Variants in SERPINA6 observed in about 807,000 individuals in gnomAD.
SERPINA6 encodes the protein corticosteroid-binding globulin.
In SERPINA6, 19 loss-of-function variants were observed where a neutral mutation model predicts 26.4. The ratio of observed to expected loss-of-function variants is 0.72; its 90% CI spans 0.50 to 1.06. SERPINA6 has a LOEUF of 1.06. SERPINA6 is among the 50% of genes least tolerant of loss of function. SERPINA6 has a pLI of 0.00. For missense variants in SERPINA6, 473 were observed against 504.0 expected, an observed-to-expected ratio of 0.94 and a Z score of 0.59; for synonymous variants, 196 against 199.4, an observed-to-expected ratio of 0.98 and a Z score of 0.14.
intron 4 of SERPINA6, 133 bp downstream of exon 4, chr14:94,305,938 T>C (rs1895431614): frequency 3.2e-6 from 3 of 952,064 alleles, no homozygotes; most frequent in Admixed American, 4.0e-5. Context: ...ACAAGGGGCT[T>C]TGACTCAACC....
intron 3 of SERPINA6, 100 bp from the exon 4 acceptor site, chr14:94,306,318 C>T (rs536573348): frequency 1.3e-5 from 17 of 1,287,630 alleles, no homozygotes; most frequent in Middle Eastern, 2.5e-4. Context: ...TTTCCTCATG[C>T]GCTCCCTCCA....
intron 1 of SERPINA6, among the ~76,000 whole-genome samples, chr14:94,322,520 A>G (rs1268716082): frequency 1.3e-5 from 2 of 152,014 alleles, no homozygotes; most frequent in Admixed American, 6.5e-5. Flanking sequence ...TAAAAAACAA[A>G]CAAACAAACA....
rs375969868 is a variant in SERPINA6, at chr14:94,304,406, G to A, written c.*12C>T. 7 of 1,613,516 alleles carry A rather than the reference G, an allele frequency of 4.3e-6. No homozygotes were observed. The African/African-American group carries it at 9.3e-5, about 22-fold the overall frequency. ...AAGTCAGACAGTGCTGAGGCTCTGG[G>A]TGGGTGGTCTCTTACACTGGGTTCA... On this transcript the variant is annotated 3_prime_UTR_variant, in exon 5 of 5. Transcript: ENST00000341584.
Position 94,314,640 on chromosome 14 carries a change from G to C in SERPINA6, c.9C>G (p.Leu3=). Residue 3 remains leucine (L), a synonymous_variant, in exon 2 of 5, where the codon CTC becomes CTG. Coordinates refer to ENST00000341584, the MANE Select transcript of SERPINA6 (RefSeq NM_001756.4). MP[L]LLYTCLLWLP... ...GCCAGAGAAGACAGGTGTACAGGAG[G>C]AGTGGCATTGTCCAGTATAGCCAGG... is the stretch of plus-strand genomic sequence containing the variant. The C allele has an allele frequency of 6.2e-7, 1 of 1,613,390 alleles. No individual in the cohort carries two copies. The highest frequency in any genetic ancestry group is 8.5e-7 in the Non-Finnish European group (1 of 1,180,018).
chr14:94,313,882 C>A, intron 2 of SERPINA6, 154 bp downstream of exon 2: 1 of 867,050 alleles, frequency 1.2e-6, no homozygotes, highest in Non-Finnish European at 2.0e-6. Flanking sequence ...TATAATTCCA[C>A]CTACCCAGCA....
chr14:94,305,988 C>A, intron 4 of SERPINA6, 83 bp downstream of exon 4: 1 of 1,534,638 alleles, frequency 6.5e-7, no homozygotes, highest in Non-Finnish European at 9.0e-7. Flanking sequence ...CATTCATGAA[C>A]GAACTCAGTG....
chr14:94,321,330 T>C (rs1158435538), intron 1 of SERPINA6, among the ~76,000 whole-genome samples: 1 of 152,146 alleles, frequency 6.6e-6, no homozygotes, highest in African/African-American at 2.4e-5. Flanking sequence ...GACTCCCCAT[T>C]GCCCACCACA....
intron 2 of SERPINA6, among the ~76,000 whole-genome samples, chr14:94,310,750 T>C (rs1488449731): frequency 1.3e-5 from 2 of 152,224 alleles, no homozygotes; most frequent in African/African-American, 4.8e-5. Flanking sequence ...TCTTCTGAAC[T>C]TATTCCAGAC....
chr14:94,314,555 T>G lies in SERPINA6; in HGVS notation c.94A>C (p.Met32Leu), dbSNP rs755394835. ...GCCAGGCCCCGGTGATGGTTACTCA[T>G]GTTCACATAAGCAGCGTTAGGATCC... is the stretch of plus-strand genomic sequence containing the variant. The part of the protein sequence containing the change: ...AMDPNAAYVN[M>L]SNHHRGLASA... Residue 32 changes from methionine to leucine, a missense_variant, in exon 2 of 5, where the codon ATG becomes CTG. Transcript: ENST00000341584. 2 of 1,614,090 alleles carry G rather than the reference T, an allele frequency of 1.2e-6. No homozygotes were observed. Among genetic ancestry groups the G allele is most frequent in the African/African-American group, 2.7e-5 (2 of 74,928 alleles).
chr14:94,315,330 T>A (rs145413546), intron 1 of SERPINA6, among the ~76,000 whole-genome samples: 115 of 152,344 alleles, frequency 7.5e-4, no homozygotes, highest in African/African-American at 2.6e-3. Flanking sequence ...TGTATGCTAT[T>A]GAAGTAAAGC....
chr14:94,323,279 G>C lies in SERPINA6; in HGVS notation c.-32C>G, dbSNP rs984459205. 2 of 152,340 alleles carry C rather than the reference G, an allele frequency of 1.3e-5. No homozygotes were observed. The highest frequency in any genetic ancestry group is 2.9e-5 in the Non-Finnish European group (2 of 68,148). The allele number at this position is 152,340 out of a possible 1,614,324, so 9.4% of individuals were successfully genotyped here. A position where few individuals can be genotyped will look rare whatever the true frequency, so the allele number is the denominator to read the frequency against. ...AGGTGTTACTCACAGTCTGCGGTGGGCTCAGGCTGTTTCTGCTGGCTTGGT... is the reference window on the plus strand; with the variant it reads ...AGGTGTTACTCACAGTCTGCGGTGGCCTCAGGCTGTTTCTGCTGGCTTGGT... On this transcript the variant is annotated 5_prime_UTR_variant, in exon 1 of 5. Coordinates refer to ENST00000341584, the MANE Select transcript of SERPINA6 (RefSeq NM_001756.4).
At chr14:94,314,807 C>G (rs1449134747) in intron 1 of SERPINA6, 140 bp from the exon 2 acceptor site, 4 of 763,334 alleles carry the variant, frequency 5.2e-6, no homozygotes, top group Non-Finnish European at 8.9e-6. Flanking sequence ...GAGCACATCA[C>G]AGAGGGCGCT....
chr14:94,313,971 G>C (rs755730643), intron 2 of SERPINA6, 65 bp downstream of exon 2: 12 of 1,580,700 alleles, frequency 7.6e-6, no homozygotes, highest in Non-Finnish European at 9.6e-6. Flanking sequence ...GTGTGCCCTG[G>C]ATTTTAGCGG....
chr14:94,307,686 A>T (rs59173829), intron 3 of SERPINA6, among the ~76,000 whole-genome samples: 37,728 of 152,146 alleles, frequency 0.25, 4,876 homozygotes, highest in Non-Finnish European at 0.28. Context: ...CATCGCCCAG[A>T]CACAGGTTCA....
intron 3 of SERPINA6, 36 bp downstream of exon 3, chr14:94,309,700 C>G: frequency 1.2e-6 from 2 of 1,611,558 alleles, no homozygotes; most frequent in Non-Finnish European, 1.7e-6. Flanking sequence ...GGGACACGTG[C>G]ATTGCAGAAA....
intron 4 of SERPINA6, among the ~76,000 whole-genome samples, chr14:94,305,052 T>C (rs1051423914): frequency 1.3e-5 from 2 of 152,196 alleles, no homozygotes; most frequent in African/African-American, 4.8e-5. Context: ...TGTTGATATG[T>C]CCTTGTTGTG....
At chr14:94,310,907 C>T (rs1373097916) in intron 2 of SERPINA6, among the ~76,000 whole-genome samples, 1 of 152,206 alleles carries the variant, frequency 6.6e-6, no homozygotes, top group Non-Finnish European at 1.5e-5. Context: ...GACCACAAGC[C>T]CTGAAGCCCT....
chr14:94,307,818 A>G (rs10131247), intron 3 of SERPINA6, among the ~76,000 whole-genome samples: 1 of 152,240 alleles, frequency 6.6e-6, no homozygotes. Context: ...ACTTCCCTAC[A>G]GGAGAGAAGT....
rs1294467346 is a variant in SERPINA6 at position 94,305,993 on chromosome 14, T to C, written c.1032+78A>G. The C allele has an allele frequency of 1.9e-6, 3 of 1,555,876 alleles. No individual in the cohort carries two copies. In the African/African-American group the frequency reaches 4.1e-5, roughly 21 times the overall value. On this transcript the variant is annotated intron_variant, in intron 4 of 4. Coordinates refer to ENST00000341584, the MANE Select transcript of SERPINA6 (RefSeq NM_001756.4). ...CCTAGAGGCTCATTCATGAACGAAC[T>C]CAGTGCCACTTCCTAGTATTATATT...
Sources: allele counts gnomAD v4.1 joint callset (sites outside exome capture counted in the v4.1 genomes callset), GRCh38; gene constraint gnomAD v4.1.1; transcripts MANE v1.5; gene names NCBI Gene and HGNC (gene_info 2026-07-23, HGNC 2026-07-21).